The following EFCAB6 variants were observed in gnomAD, a reference collection of about 807,000 sequenced individuals.
EFCAB6 encodes the protein EF-hand calcium-binding domain-containing protein 6.
Under a neutral mutation model 169.8 loss-of-function variants are expected in EFCAB6, and 156 were observed. That is an observed-to-expected ratio of 0.92 (90% CI 0.81 to 1.05). The LOEUF (loss-of-function observed/expected upper bound fraction) is 1.05, where lower values mean the gene tolerates loss of function less well. Among genes scored for constraint, EFCAB6 ranks in the 50% least tolerant of loss-of-function variants. The pLI is 0.00. For missense variants in EFCAB6, 1,800 were observed against 1,829.1 expected (o/e 0.98, Z 0.29); for synonymous variants, 698 against 676.4 (o/e 1.03, Z -0.50).
In EFCAB6 at chr22:43,764,212, C is replaced by T. The variant is rs1004087343; in HGVS notation, c.440+1093G>A. 2.0e-5 allele frequency among the ~76,000 whole-genome samples: 3 copies of T among 152,024 alleles called. No individual in the cohort carries two copies. In the South Asian group the frequency reaches 6.2e-4, roughly 32 times the overall value. On this transcript the variant is annotated intron_variant, in intron 5 of 31. Transcript: ENST00000262726. ...TTTCAGCCCTTGCCCCCATCCCTTCCCCCTCTAGTTGTCTGCTGTGTCTGC... is the reference window on the plus strand; with the variant it reads ...TTTCAGCCCTTGCCCCCATCCCTTCTCCCTCTAGTTGTCTGCTGTGTCTGC...
intron 27 of EFCAB6, chr22:43,540,648 G>A: frequency 9.4e-7 from 1 of 1,062,628 alleles, no homozygotes; most frequent in Non-Finnish European, 1.3e-6. Context: ...CTTGTGATTA[G>A]TCACAGTGCC....
At position 43,672,298 on chromosome 22, in the gene EFCAB6, T is replaced by C; in HGVS notation, c.1427A>G (p.Lys476Arg). Residue 476 changes from lysine (K) to arginine (R), a missense_variant, in exon 14 of 32, where the codon AAG becomes AGG. Lys to Arg is a conservative substitution (Grantham distance 26). Transcript: ENST00000262726. Reference protein sequence around the residue: ...DLIEENCRMRKTSPCTDAKTP... With the variant: ...DLIEENCRMRRTSPCTDAKTP... ...CTTAGCATCTGTACAGGGAGATGTC[T>C]TTCTCATCTAATTGGGAAAGAGAAA... 6.2e-7 allele frequency: 1 copy of C among 1,614,122 alleles called. No individual in the cohort carries two copies. Among genetic ancestry groups the C allele is most frequent in the South Asian group, 1.1e-5 (1 of 91,060 alleles).
At position 43,612,199 on chromosome 22, in the gene EFCAB6, C is replaced by T. The variant is rs543549867; in HGVS notation, c.2563-3599G>A. Among the ~76,000 whole-genome samples, 8 of 152,226 alleles carry T rather than the reference C, an allele frequency of 5.3e-5. No individual in the cohort carries two copies. The East Asian group carries it at 9.6e-4, about 18-fold the overall frequency. ...ACTCAAGATGAATAAAAGACTTAAA[C>T]GTCAAACTAAAAACTATAAAAACCC... On this transcript the variant is annotated intron_variant, in intron 21 of 31. Coordinates refer to ENST00000262726, the MANE Select transcript of EFCAB6 (RefSeq NM_022785.4).
At chr22:43,604,512 C>T (rs1419911330) in intron 22 of EFCAB6, among the ~76,000 whole-genome samples, 2 of 152,194 alleles carry the variant, frequency 1.3e-5, no homozygotes, top group East Asian at 1.9e-4. Context: ...CCTCTGACAT[C>T]GCATCCCACT....
Position 43,705,346 on chromosome 22 carries a change from C to A in EFCAB6, c.1031+6129G>T, listed in dbSNP as rs936132693. Among the ~76,000 whole-genome samples, 6 of 152,034 alleles carry A rather than the reference C, an allele frequency of 3.9e-5. No homozygotes were observed. The South Asian group carries it at 6.2e-4, about 16-fold the overall frequency. On this transcript the variant is annotated intron_variant, in intron 10 of 31. Coordinates refer to ENST00000262726, the MANE Select transcript of EFCAB6 (RefSeq NM_022785.4). ...CAGATAAAAAATTAATAAGGAAACACTGGACTTGAACAACACTTTAGACCA... is the reference window on the plus strand; with the variant it reads ...CAGATAAAAAATTAATAAGGAAACAATGGACTTGAACAACACTTTAGACCA...
Position 43,624,899 on chromosome 22 carries a change from G to A in EFCAB6, c.2465+1548C>T, listed in dbSNP as rs186175228. 2.2e-3 allele frequency among the ~76,000 whole-genome samples: 332 copies of A among 152,240 alleles called. 1 individual carries two copies. The highest frequency in any genetic ancestry group is 7.6e-3 in the African/African-American group (315 of 41,546). On this transcript the variant is annotated intron_variant, in intron 20 of 31. Coordinates refer to ENST00000262726, the MANE Select transcript of EFCAB6 (RefSeq NM_022785.4). Reference sequence around the variant, plus strand: ...TTTGCGGTTGAAATTTTCCATGTTCGTTCGGCAGAGAATGGAAAATGAACT... The same window carrying A: ...TTTGCGGTTGAAATTTTCCATGTTCATTCGGCAGAGAATGGAAAATGAACT...
chr22:43,649,907 G>A (rs1301355475), intron 17 of EFCAB6, among the ~76,000 whole-genome samples: 1 of 152,208 alleles, frequency 6.6e-6, no homozygotes, highest in East Asian at 1.9e-4. Flanking sequence ...AGTAAAGTAT[G>A]TGAGGAGCTC....
intron 11 of EFCAB6, among the ~76,000 whole-genome samples, chr22:43,686,650 A>C (rs1173184634): frequency 1.3e-5 from 2 of 152,206 alleles, no homozygotes; most frequent in African/African-American, 4.8e-5. Context: ...ATTACCTGCA[A>C]GGCTGTTAAC....
chr22:43,580,931 C>T (rs971110592), intron 24 of EFCAB6, among the ~76,000 whole-genome samples: 22 of 152,150 alleles, frequency 1.4e-4, no homozygotes, highest in African/African-American at 5.3e-4. Flanking sequence ...AGACCTGAGG[C>T]TTGAAGGCTG....
rs773816809 is a variant in EFCAB6 at position 43,540,302 on chromosome 22, G to A, written c.3704C>T (p.Pro1235Leu). 25 of 1,614,046 alleles carry A rather than the reference G, an allele frequency of 1.5e-5. No individual in the cohort carries two copies. Among genetic ancestry groups the A allele is most frequent in the Admixed American group, 3.3e-5 (2 of 60,008 alleles). ...GGAACTGAACCTGCTCAGGAAGTCC[G>A]GGTATTTCAGCCTCCCCTTGGCATT... ...PVNAKGRLKY[P>L]DFLSRFSSET... is the part of the protein sequence containing the mutation. The change falls in exon 28 of 32, where the codon CCG becomes CTG. Residue 1235 changes from proline (P) to leucine (L), a missense_variant. Physicochemically the swap from Pro to Leu is moderately conservative, Grantham distance 98. Coordinates refer to ENST00000262726, the MANE Select transcript of EFCAB6 (RefSeq NM_022785.4).
chr22:43,731,091 C>T (rs2059930906), intron 8 of EFCAB6, among the ~76,000 whole-genome samples: 1 of 152,078 alleles, frequency 6.6e-6, no homozygotes. Flanking sequence ...ATTGCATGAG[C>T]CAGACATTCA....
At chr22:43,624,405 G>A (rs2054346569) in intron 20 of EFCAB6, among the ~76,000 whole-genome samples, 1 of 152,068 alleles carries the variant, frequency 6.6e-6, no homozygotes, top group Non-Finnish European at 1.5e-5. Flanking sequence ...GATAGAAGGT[G>A]ACGTCCTTCA....
At position 43,590,198 on chromosome 22, in the gene EFCAB6, T is replaced by G. The variant is rs2147399995; in HGVS notation, c.2908A>C (p.Ser970Arg). ...DKLMDRHQDISKAFTKTDQSK... is the reference protein window; with the variant it reads ...DKLMDRHQDIRKAFTKTDQSK... The stretch of plus-strand genomic sequence containing the variant: ...TGATCAGTTTTGGTGAATGCTTTGC[T>G]GATATCTTGATGGCGGTCCATAAGC... The change falls in exon 24 of 32, where the codon AGC becomes CGC. Residue 970 changes from serine to arginine, a missense_variant. By Grantham distance (110) the Ser-to-Arg change is moderately radical. Coordinates refer to ENST00000262726, the MANE Select transcript of EFCAB6 (RefSeq NM_022785.4). 1 of 1,614,106 alleles carries G rather than the reference T, an allele frequency of 6.2e-7. No homozygotes were observed. The highest frequency in any genetic ancestry group is 2.2e-5 in the East Asian group (1 of 44,884).
intron 6 of EFCAB6, among the ~76,000 whole-genome samples, chr22:43,752,150 C>T (rs1485467680): frequency 6.8e-6 from 1 of 146,300 alleles, no homozygotes; most frequent in Non-Finnish European, 1.5e-5. Context: ...TAGAGTCTCC[C>T]TCTGTTGCCC....
chr22:43,735,523 G>T (rs1369920235), intron 7 of EFCAB6, among the ~76,000 whole-genome samples: 1 of 151,746 alleles, frequency 6.6e-6, no homozygotes, highest in East Asian at 1.9e-4. Context: ...CTAGAAATAT[G>T]TGGGATGGGG....
At chr22:43,623,409 T>C (rs939645078) in intron 20 of EFCAB6, among the ~76,000 whole-genome samples, 2 of 152,236 alleles carry the variant, frequency 1.3e-5, no homozygotes, top group African/African-American at 4.8e-5. Context: ...GGATCAGTCA[T>C]TCTACTTGGT....
At chr22:43,602,000 G>A (rs1344724446) in intron 22 of EFCAB6, among the ~76,000 whole-genome samples, 2 of 152,242 alleles carry the variant, frequency 1.3e-5, no homozygotes, top group Non-Finnish European at 2.9e-5. Flanking sequence ...AGTCCCCTTG[G>A]ACGACGTCCT....
Position 43,600,321 on chromosome 22 carries a change from G to A in EFCAB6, c.2682-58C>T. The A allele has an allele frequency of 1.9e-6, 3 of 1,557,826 alleles. No homozygotes were observed. The South Asian group carries it at 3.5e-5, about 18-fold the overall frequency. On this transcript the variant is annotated intron_variant, in intron 22 of 31. Transcript: ENST00000262726. ...TCAGTAGCCAGTAAGGTGTGCTGAT[G>A]CTCAGGGTTTGGAAAATGCCTGCAC...
rs573469446 is a variant in EFCAB6, at chr22:43,754,039, A to G, written c.507+1727T>C. 9.2e-5 allele frequency among the ~76,000 whole-genome samples: 14 copies of G among 152,312 alleles called. No homozygotes were observed. The South Asian group carries it at 2.1e-3, about 23-fold the overall frequency. ...TAGAAGGGTCAGAGTCTTCATTAGA[A>G]GCATGCTACTGCACAAAGCACACAG... is the stretch of plus-strand genomic sequence containing the variant. On this transcript the variant is annotated intron_variant, in intron 6 of 31. Transcript: ENST00000262726.
Sources: allele counts gnomAD v4.1 joint callset (sites outside exome capture counted in the v4.1 genomes callset), GRCh38; gene constraint gnomAD v4.1.1; transcripts MANE v1.5; gene names NCBI Gene and HGNC (gene_info 2026-07-23, HGNC 2026-07-21).